Variants in ATP11B observed in about 807,000 individuals in gnomAD.
The protein encoded by ATP11B is ATPase phospholipid transporting 11B (putative).
A neutral mutation model predicts 157.8 loss-of-function variants in ATP11B; 81 were observed. That is an observed-to-expected ratio of 0.51 (90% CI 0.43 to 0.62). The LOEUF (loss-of-function observed/expected upper bound fraction) is 0.62. Ranked by LOEUF, ATP11B falls within the 20% of genes least tolerant of loss-of-function variation. The pLI is 0.00. For missense variants in ATP11B, 1,165 were observed against 1,402.2 expected (o/e 0.83, Z 2.70); for synonymous variants, 451 against 469.4 (o/e 0.96, Z 0.51).
chr3:182,900,317 G>A (rs910782194), intron 28 of ATP11B, among the ~76,000 whole-genome samples: 1 of 152,040 alleles, frequency 6.6e-6, no homozygotes, highest in Non-Finnish European at 1.5e-5. Flanking sequence ...AAAAATAATT[G>A]CTACTTTACA....
chr3:182,898,191 C>G (rs556333044), intron 27 of ATP11B, among the ~76,000 whole-genome samples: 2 of 152,142 alleles, frequency 1.3e-5, no homozygotes, highest in South Asian at 4.1e-4. Flanking sequence ...CTATGTAAAA[C>G]TAGTATTCGT....
intron 1 of ATP11B, among the ~76,000 whole-genome samples, chr3:182,811,756 T>C (rs1246086023): frequency 4.6e-5 from 7 of 152,244 alleles, no homozygotes; most frequent in African/African-American, 1.7e-4. Flanking sequence ...AAGTTGTTTA[T>C]ATTACATTGT....
chr3:182,839,763 A>G (rs1401593269), intron 7 of ATP11B, among the ~76,000 whole-genome samples: 1 of 152,028 alleles, frequency 6.6e-6, no homozygotes, highest in East Asian at 1.9e-4. Flanking sequence ...TGTGTGTGCC[A>G]CCACACCCTG....
chr3:182,848,567 C>T lies in ATP11B; in HGVS notation c.851+10C>T. ...GATCTGCAGTAGAAAAGTAAGAAAA[C>T]TGTTTTCATTTATTTATATGTAATT... On this transcript the variant is annotated intron_variant, in intron 10 of 29. Coordinates refer to ENST00000323116, the MANE Select transcript of ATP11B (RefSeq NM_014616.3). 1 of 1,495,590 alleles carries T rather than the reference C, an allele frequency of 6.7e-7. No homozygotes were observed. Among genetic ancestry groups the T allele is most frequent in the African/African-American group, 1.4e-5 (1 of 71,098 alleles). The allele number at this position is 1,495,590 out of a possible 1,614,324, so 92.6% of individuals were successfully genotyped here.
intron 28 of ATP11B, 57 bp downstream of exon 28, chr3:182,898,829 A>C (rs1311517575): frequency 8.7e-7 from 1 of 1,150,952 alleles, no homozygotes; most frequent in Non-Finnish European, 1.2e-6. Flanking sequence ...TTTAATAATG[A>C]ATAGCTGTCA....
intron 2 of ATP11B, among the ~76,000 whole-genome samples, chr3:182,825,635 A>C (rs1717664199): frequency 6.6e-6 from 1 of 151,768 alleles, no homozygotes; most frequent in Non-Finnish European, 1.5e-5. Flanking sequence ...AGGCAGGAGA[A>C]TGGCATGAAC....
intron 9 of ATP11B, among the ~76,000 whole-genome samples, chr3:182,848,255 A>G (rs1719692584): frequency 6.6e-6 from 1 of 152,200 alleles, no homozygotes; most frequent in Non-Finnish European, 1.5e-5. Flanking sequence ...CAACTCAGGA[A>G]CAGGACTCCA....
chr3:182,810,412 AT>A (rs1716585560), intron 1 of ATP11B, among the ~76,000 whole-genome samples: 1 of 151,884 alleles, frequency 6.6e-6, no homozygotes, highest in Non-Finnish European at 1.5e-5. Flanking sequence ...TTAAAGTTTA[AT>A]TTTCATAGCA....
chr3:182,795,154 G>A (rs1234802386), intron 1 of ATP11B, among the ~76,000 whole-genome samples: 1 of 151,342 alleles, frequency 6.6e-6, no homozygotes. Context: ...AGGAAACCAA[G>A]CTAATGATGT....
intron 1 of ATP11B, among the ~76,000 whole-genome samples, chr3:182,813,002 A>C (rs754683906): frequency 6.6e-5 from 10 of 152,218 alleles, no homozygotes; most frequent in Non-Finnish European, 1.2e-4. Context: ...TTTACTTAGC[A>C]TAATGTCCTT....
chr3:182,899,599 G>A (rs1723810666), intron 28 of ATP11B, among the ~76,000 whole-genome samples: 1 of 152,044 alleles, frequency 6.6e-6, no homozygotes, highest in Non-Finnish European at 1.5e-5. Flanking sequence ...GCAAATATTA[G>A]CAGTATGTTA....
At chr3:182,884,150 C>T (rs990338706) in intron 21 of ATP11B, among the ~76,000 whole-genome samples, 5 of 151,920 alleles carry the variant, frequency 3.3e-5, no homozygotes, top group African/African-American at 4.8e-5. Flanking sequence ...CTCTTCTTCT[C>T]TTTTGAAACC....
chr3:182,876,683 A>G (rs1722065957), intron 19 of ATP11B, among the ~76,000 whole-genome samples: 1 of 152,216 alleles, frequency 6.6e-6, no homozygotes, highest in Admixed American at 6.5e-5. Context: ...CACATGGTGG[A>G]AGGGACGAAA....
rs112126091 is a variant in ATP11B, at chr3:182,866,309, T to C, written c.1485T>C (p.Cys495=). 2 of 1,609,094 alleles carry C rather than the reference T, an allele frequency of 1.2e-6. No individual in the cohort carries two copies. The highest frequency in any genetic ancestry group is 1.7e-6 in the Non-Finnish European group (2 of 1,177,130). The change falls in exon 14 of 30, where the codon TGT becomes TGC. Residue 495 remains cysteine (C), a synonymous_variant. Transcript: ENST00000323116. ...TCTTCTTTAAAGCAGTCAGTCTCTG[T>C]CACACTGTACAGATTAGCAATGTTC... ...HDLFFKAVSL[C]HTVQISNVQT... is the part of the protein sequence containing the mutation.
At chr3:182,859,559 T>C (rs1040223482) in intron 12 of ATP11B, among the ~76,000 whole-genome samples, 200 bp downstream of exon 12, 5 of 152,160 alleles carry the variant, frequency 3.3e-5, no homozygotes, top group Non-Finnish European at 5.9e-5. Flanking sequence ...TTGATATTCT[T>C]TCTTATTCTT....
intron 25 of ATP11B, among the ~76,000 whole-genome samples, 180 bp from the exon 26 acceptor site, chr3:182,896,520 A>C: frequency 6.6e-6 from 1 of 152,212 alleles, no homozygotes; most frequent in Non-Finnish European, 1.5e-5. Context: ...ATAATAACAC[A>C]TGTAAATAAT....
chr3:182,912,998 A>G (rs1209507788), intron 28 of ATP11B, among the ~76,000 whole-genome samples: 2 of 152,160 alleles, frequency 1.3e-5, no homozygotes, highest in Non-Finnish European at 2.9e-5. Flanking sequence ...TGGTCATACC[A>G]TCTTTCCCCC....
At chr3:182,887,390 G>C (rs916268132) in intron 23 of ATP11B, among the ~76,000 whole-genome samples, 196 bp from the exon 24 acceptor site, 2 of 152,090 alleles carry the variant, frequency 1.3e-5, no homozygotes, top group Admixed American at 6.5e-5. Flanking sequence ...TTCTCACAAA[G>C]AATATCAACC....
chr3:182,908,268 A>G (rs1272327471), intron 28 of ATP11B, among the ~76,000 whole-genome samples: 2 of 144,838 alleles, frequency 1.4e-5, no homozygotes, highest in Non-Finnish European at 1.5e-5. Flanking sequence ...GGAGTGCAGA[A>G]GCACCATCTT....
Sources: gnomAD v4.1 joint callset for allele counts (sites outside exome capture counted in the v4.1 genomes callset) on GRCh38, gnomAD v4.1.1 for gene constraint, MANE v1.5 for transcripts, NCBI Gene and HGNC (gene_info 2026-07-23, HGNC 2026-07-21) for gene names.